ADGRB3: variants seen among roughly 807,000 people sequenced by gnomAD.
The protein encoded by ADGRB3 is adhesion G protein-coupled receptor B3, also known as brain-specific angiogenesis inhibitor 3.
In ADGRB3, 37 loss-of-function variants were observed where a neutral mutation model predicts 193.4. That is an observed-to-expected ratio of 0.19 (90% CI 0.15 to 0.25). The LOEUF is 0.25. Among genes scored for constraint, ADGRB3 ranks in the 10% least tolerant of loss-of-function variants. The pLI is 1.00. For synonymous variants in ADGRB3, 690 were observed against 644.2 expected (o/e 1.07, Z -1.08); for missense variants, 1,637 against 1,852.9 (o/e 0.88, Z 2.14).
intron 17 of ADGRB3, among the ~76,000 whole-genome samples, chr6:69,224,131 A>G (rs1765957832): frequency 6.6e-6 from 1 of 151,952 alleles, no homozygotes; most frequent in Non-Finnish European, 1.5e-5. Flanking sequence ...ATGTTTTTTC[A>G]TGTGTATTTT....
At chr6:68,843,721 C>T (rs956287627) in intron 3 of ADGRB3, among the ~76,000 whole-genome samples, 3 of 151,934 alleles carry the variant, frequency 2.0e-5, no homozygotes, top group Non-Finnish European at 4.4e-5. Context: ...CCAAAGCTGT[C>T]CTGAGCAAAA....
At chr6:68,873,143 A>G (rs1765506676) in intron 3 of ADGRB3, among the ~76,000 whole-genome samples, 1 of 152,160 alleles carries the variant, frequency 6.6e-6, no homozygotes, top group Admixed American at 6.5e-5. Flanking sequence ...CAAAACTGAG[A>G]TAGCCATTTA....
At chr6:69,049,225 G>A (rs973081732) in intron 14 of ADGRB3, 46 bp from the exon 15 acceptor site, 4 of 1,364,542 alleles carry the variant, frequency 2.9e-6, no homozygotes, top group East Asian at 4.6e-5. Flanking sequence ...ATAAGACATA[G>A]TATTTTCTTG....
In ADGRB3 at chr6:69,285,198, A is replaced by G. The variant is rs568855417; in HGVS notation, c.2815-39674A>G. Among the ~76,000 whole-genome samples the G allele has an allele frequency of 2.6e-5, 4 of 152,316 alleles. No individual in the cohort carries two copies. In the South Asian group the frequency reaches 6.2e-4, roughly 24 times the overall value. On this transcript the variant is annotated intron_variant, in intron 20 of 31. Transcript: ENST00000370598. ...CTAAAGAGAAATTCTGCAAAAGGAAATAGATACTATACACTGAGTACTTAA... is the reference window on the plus strand; with the variant it reads ...CTAAAGAGAAATTCTGCAAAAGGAAGTAGATACTATACACTGAGTACTTAA...
intron 22 of ADGRB3, among the ~76,000 whole-genome samples, chr6:69,328,976 A>G (rs1768647202): frequency 6.6e-6 from 1 of 152,290 alleles, no homozygotes; most frequent in South Asian, 2.1e-4. Flanking sequence ...GTCCAATACA[A>G]TACAATAAGT....
At chr6:68,862,275 G>A (rs1453826632) in intron 3 of ADGRB3, among the ~76,000 whole-genome samples, 1 of 152,086 alleles carries the variant, frequency 6.6e-6, no homozygotes, top group African/African-American at 2.4e-5. Flanking sequence ...CAAAAGTTGT[G>A]ACATTAATTT....
At chr6:69,385,994 A>G (rs147682365) in intron 31 of ADGRB3, among the ~76,000 whole-genome samples, 2 of 152,164 alleles carry the variant, frequency 1.3e-5, no homozygotes, top group East Asian at 3.9e-4. Flanking sequence ...TTTTACCACT[A>G]AAGAAGCCTC....
At chr6:68,845,638 A>T (rs1007874354) in intron 3 of ADGRB3, among the ~76,000 whole-genome samples, 1 of 152,110 alleles carries the variant, frequency 6.6e-6, no homozygotes, top group African/African-American at 2.4e-5. Flanking sequence ...TGGGTTTATC[A>T]GGTGTTTCTG....
intron 3 of ADGRB3, among the ~76,000 whole-genome samples, chr6:68,702,590 A>G (rs1399873503): frequency 6.6e-6 from 1 of 152,188 alleles, no homozygotes; most frequent in African/African-American, 2.4e-5. Flanking sequence ...GCTGCTCTAC[A>G]GAGTAAAGCA....
rs770659623 is a variant in ADGRB3 at position 69,360,908 on chromosome 6, T to A, written c.3635T>A (p.Ile1212Lys). ...ATTGGTCCTTGCCGAGCAGCCACAA[T>A]AACAGGAACACTTTCTAGGATTTCT... The part of the protein sequence containing the change: ...KDIGPCRAAT[I>K]TGTLSRISLN... Residue 1212 changes from isoleucine to lysine, a missense_variant, in exon 29 of 32, where the codon ATA becomes AAA. Ile to Lys is a moderately radical substitution (Grantham distance 102). Coordinates refer to ENST00000370598, the MANE Select transcript of ADGRB3 (RefSeq NM_001704.3). 2 of 1,611,520 alleles carry A rather than the reference T, an allele frequency of 1.2e-6. No individual in the cohort carries two copies. The highest frequency in any genetic ancestry group is 8.5e-7 in the Non-Finnish European group (1 of 1,178,554).
At chr6:69,256,344 G>A (rs1002910538) in intron 20 of ADGRB3, among the ~76,000 whole-genome samples, 1 of 152,134 alleles carries the variant, frequency 6.6e-6, no homozygotes, top group Non-Finnish European at 1.5e-5. Context: ...AGCATGGAAT[G>A]TTCTTCCATT....
intron 3 of ADGRB3, among the ~76,000 whole-genome samples, chr6:68,772,891 AAAAATATAT>A (rs1255292926): frequency 8.0e-3 from 285 of 35,596 alleles, no homozygotes; most frequent in East Asian, 0.038. Context: ...ACAAAAAAAA[AAAAATATAT>A]ATATATATAT....
chr6:68,805,827 T>C (rs1342751125), intron 3 of ADGRB3, among the ~76,000 whole-genome samples: 1 of 152,238 alleles, frequency 6.6e-6, no homozygotes, highest in African/African-American at 2.4e-5. Flanking sequence ...ATTTCCTATG[T>C]AGTTTTAGGA....
chr6:68,817,213 C>T (rs1219459314), intron 3 of ADGRB3, among the ~76,000 whole-genome samples: 2 of 148,792 alleles, frequency 1.3e-5, no homozygotes, highest in Admixed American at 1.4e-4. Context: ...AACTCTGTAT[C>T]CTGCTTGACA....
At chr6:69,124,494 G>A (rs6919356) in intron 17 of ADGRB3, among the ~76,000 whole-genome samples, 17,648 of 152,060 alleles carry the variant, frequency 0.12, 1,066 homozygotes, top group Admixed American at 0.13. Context: ...GTGATTCTTC[G>A]TCTAGAAAAC....
intron 20 of ADGRB3, among the ~76,000 whole-genome samples, chr6:69,262,387 T>G (rs1766948220): frequency 6.6e-6 from 1 of 151,996 alleles, no homozygotes; most frequent in Non-Finnish European, 1.5e-5. Context: ...GGAGGTTTTA[T>G]TTTTTTCTTC....
intron 20 of ADGRB3, 147 bp downstream of exon 20, chr6:69,239,373 A>G (rs1252780969): frequency 3.4e-6 from 2 of 585,610 alleles, no homozygotes; most frequent in Non-Finnish European, 3.0e-6. Flanking sequence ...GTTTATGAAT[A>G]AAAACATTGT....
At chr6:68,857,622 T>A (rs1394719962) in intron 3 of ADGRB3, among the ~76,000 whole-genome samples, 1 of 152,220 alleles carries the variant, frequency 6.6e-6, no homozygotes, top group East Asian at 1.9e-4. Context: ...CTAATTTTCT[T>A]TTTATTTTAC....
At chr6:69,323,687 A>G (rs1218372290) in intron 20 of ADGRB3, among the ~76,000 whole-genome samples, 1 of 152,076 alleles carries the variant, frequency 6.6e-6, no homozygotes, top group African/African-American at 2.4e-5. Context: ...GCTTCTTAAC[A>G]TTATCTGTCA....
Sources: gnomAD v4.1 joint callset for allele counts (sites outside exome capture counted in the v4.1 genomes callset) on GRCh38, gnomAD v4.1.1 for gene constraint, MANE v1.5 for transcripts, NCBI Gene and HGNC (gene_info 2026-07-23, HGNC 2026-07-21) for gene names.